The following KCNQ1OT1 variants were observed in gnomAD, a reference collection of about 807,000 sequenced individuals.
The protein encoded by KCNQ1OT1 is KCNQ1 antisense RNA 2 (non-protein coding).
rs1269551539 is a variant in KCNQ1OT1 at position 2,663,165 on chromosome 11, C to T, written n.36830G>A. On this transcript the variant is annotated non_coding_transcript_exon_variant, in exon 1 of 1. Transcript: ENST00000597346. This position sits in a 1 kb window ranked among gnomAD's most constrained non-coding sequence, Gnocchi z 5.2. ...TGCCCACTGTCTTTCCAGGCCCCCCCAGTTCACAGAGAGGTTGGCAGTACC... is the reference window on the plus strand; with the variant it reads ...TGCCCACTGTCTTTCCAGGCCCCCCTAGTTCACAGAGAGGTTGGCAGTACC... The T allele has an allele frequency of 2.5e-6, 1 of 398,744 alleles. No individual in the cohort carries two copies. Among genetic ancestry groups the T allele is most frequent in the Non-Finnish European group, 4.4e-6 (1 of 226,158 alleles). The allele number at this position is 398,744 out of a possible 1,614,324, so 24.7% of individuals were successfully genotyped here.
exon 1 of KCNQ1OT1, chr11:2,632,634 T>C (rs1258008049): frequency 2.5e-6 from 1 of 398,290 alleles, no homozygotes; most frequent in African/African-American, 2.1e-5. Flanking sequence ...ATTAGCATAT[T>C]CATCAACTCA....
rs1253517088 is a variant in KCNQ1OT1, at chr11:2,658,549, A to C, written n.41446T>G. ...GCTCATCTTTTATTTTCCCTACCCT[A>C]GCCCTAGAATCATCCATTCATCCAG... On this transcript the variant is annotated non_coding_transcript_exon_variant, in exon 1 of 1. Transcript: ENST00000597346. The surrounding 1 kb of genome is among the most constrained non-coding windows in gnomAD (Gnocchi z 4.9). 2.6e-6 allele frequency: 1 copy of C among 388,964 alleles called. No individual in the cohort carries two copies. The highest frequency in any genetic ancestry group is 2.2e-5 in the African/African-American group (1 of 46,334). 24.1% of individuals were successfully genotyped at this position (388,964 alleles called of 1,614,324 possible). A position where few individuals can be genotyped will look rare whatever the true frequency, so the allele number is the denominator to read the frequency against.
chr11:2,640,261 C>T (rs1849552588), exon 1 of KCNQ1OT1: 1 of 397,576 alleles, frequency 2.5e-6, no homozygotes, highest in East Asian at 3.6e-5. Flanking sequence ...CCCACTACCT[C>T]AGTTGGAAAT....
chr11:2,686,515 C>G, exon 1 of KCNQ1OT1: 1 of 398,684 alleles, frequency 2.5e-6, no homozygotes, highest in Non-Finnish European at 4.4e-6. Flanking sequence ...GTCTCACTCC[C>G]GTCACGGAAA....
Position 2,642,134 on chromosome 11 carries a change from A to G in KCNQ1OT1, n.57861T>C, listed in dbSNP as rs1849589955. The G allele has an allele frequency of 5.0e-6, 2 of 398,020 alleles. No individual in the cohort carries two copies. The highest frequency in any genetic ancestry group is 8.9e-6 in the Non-Finnish European group (2 of 225,866). The allele number at this position is 398,020 out of a possible 1,614,324, so 24.7% of individuals were successfully genotyped here. A position where few individuals can be genotyped will look rare whatever the true frequency, so the allele number is the denominator to read the frequency against. The stretch of plus-strand genomic sequence containing the variant: ...TTTTTGGTTCCATCTGAATTTTAGG[A>G]TTTTTTCTATTTCCATGAAAAATGG... On this transcript the variant is annotated non_coding_transcript_exon_variant, in exon 1 of 1. Transcript: ENST00000597346. This position sits in a 1 kb window ranked among gnomAD's most constrained non-coding sequence, Gnocchi z 4.3.
chr11:2,696,029 A>T, exon 1 of KCNQ1OT1: 1 of 398,640 alleles, frequency 2.5e-6, no homozygotes, highest in Non-Finnish European at 4.4e-6. Context: ...TGAAAAACGC[A>T]AATTGTTTCC....
exon 1 of KCNQ1OT1, chr11:2,696,223 A>G (rs1352663328): frequency 1.8e-5 from 7 of 398,538 alleles, no homozygotes; most frequent in Non-Finnish European, 2.7e-5. Context: ...TTTTTCTCCT[A>G]TTAAACAAAT....
rs369043332 is a variant in KCNQ1OT1 at position 2,626,773 on chromosome 11, C to T, written n.73222G>A. The T allele has an allele frequency of 2.5e-6, 1 of 398,414 alleles. No individual in the cohort carries two copies. The highest frequency in any genetic ancestry group is 2.1e-5 in the African/African-American group (1 of 48,604). The allele number at this position is 398,414 out of a possible 1,614,324, so 24.7% of individuals were successfully genotyped here. A position where few individuals can be genotyped will look rare whatever the true frequency, so the allele number is the denominator to read the frequency against. ...CAAACTCCTGGACTCAGAAGTCCTC[C>T]CACCTCAGCCTTCAAAAGTGCTGAG... is the stretch of plus-strand genomic sequence containing the variant. On this transcript the variant is annotated non_coding_transcript_exon_variant, in exon 1 of 1. Transcript: ENST00000597346. The surrounding 1 kb of genome is among the most constrained non-coding windows in gnomAD (Gnocchi z 4.0).
At chr11:2,632,389 G>A (rs907326850) in exon 1 of KCNQ1OT1, 13 of 398,188 alleles carry the variant, frequency 3.3e-5, no homozygotes, top group East Asian at 2.9e-4. Context: ...TGGCTAGAAA[G>A]CCACTACTAT....
chr11:2,645,044 C>A lies in KCNQ1OT1; in HGVS notation n.54951G>T. ...ATTTTGGGCCTCCAGGCAACTTGCT[C>A]AGGTGCCAATGATGACAGAGCTGGG... On this transcript the variant is annotated non_coding_transcript_exon_variant, in exon 1 of 1. Coordinates refer to ENST00000597346, the Ensembl canonical transcript of KCNQ1OT1. The surrounding 1 kb of genome is among the most constrained non-coding windows in gnomAD (Gnocchi z 5.8). 2.5e-6 allele frequency: 1 copy of A among 398,782 alleles called. No homozygotes were observed. The highest frequency in any genetic ancestry group is 1.3e-4 in the South Asian group (1 of 7,830). The allele number at this position is 398,782 out of a possible 1,614,324, so 24.7% of individuals were successfully genotyped here. A position where few individuals can be genotyped will look rare whatever the true frequency, so the allele number is the denominator to read the frequency against.
exon 1 of KCNQ1OT1, chr11:2,616,654 TAA>T (rs1319864524): frequency 1.3e-5 from 5 of 398,140 alleles, no homozygotes; most frequent in African/African-American, 2.1e-5. Flanking sequence ...CAATAATTTT[TAA>T]AGAGTGTGTA....
At chr11:2,662,119 G>A (rs1426023954) in exon 1 of KCNQ1OT1, 2 of 1,613,620 alleles carry the variant, frequency 1.2e-6, no homozygotes, top group Non-Finnish European at 1.7e-6. Context: ...TGGGCTGGAG[G>A]GGACTGGAGC....
rs1429334167 is a variant in KCNQ1OT1 at position 2,687,744 on chromosome 11, G to A, written n.12251C>T. On this transcript the variant is annotated non_coding_transcript_exon_variant, in exon 1 of 1. Transcript: ENST00000597346. This position sits in a 1 kb window ranked among gnomAD's most constrained non-coding sequence, Gnocchi z 5.0. ...AAGCCAGTAACCAGCAAATCATGGG[G>A]AGACTGAGAAGAGGAGCCCCTTAGC... 1 of 398,620 alleles carries A rather than the reference G, an allele frequency of 2.5e-6. No homozygotes were observed. Among genetic ancestry groups the A allele is most frequent in the Non-Finnish European group, 4.4e-6 (1 of 226,156 alleles). The allele number at this position is 398,620 out of a possible 1,614,324, so 24.7% of individuals were successfully genotyped here.
At position 2,621,581 on chromosome 11, in the gene KCNQ1OT1, C is replaced by T. The variant is rs539492384; in HGVS notation, n.78414G>A. 7.5e-6 allele frequency: 3 copies of T among 398,418 alleles called. No individual in the cohort carries two copies. Among genetic ancestry groups the T allele is most frequent in the Non-Finnish European group, 1.3e-5 (3 of 226,014 alleles). The allele number at this position is 398,418 out of a possible 1,614,324, so 24.7% of individuals were successfully genotyped here. On this transcript the variant is annotated non_coding_transcript_exon_variant, in exon 1 of 1. Coordinates refer to ENST00000597346, the Ensembl canonical transcript of KCNQ1OT1. This position sits in a 1 kb window ranked among gnomAD's most constrained non-coding sequence, Gnocchi z 5.7. ...GTGATCTCTTTGCTATTGGTCTGTTCAGGCTTTCTATTCCTGATTTAATCT... is the reference window on the plus strand; with the variant it reads ...GTGATCTCTTTGCTATTGGTCTGTTTAGGCTTTCTATTCCTGATTTAATCT...
Position 2,673,454 on chromosome 11 carries a change from G to C in KCNQ1OT1, n.26541C>G, listed in dbSNP as rs1850224646. 7.5e-6 allele frequency: 3 copies of C among 398,554 alleles called. No individual in the cohort carries two copies. Among genetic ancestry groups the C allele is most frequent in the African/African-American group, 2.1e-5 (1 of 48,642 alleles). The allele number at this position is 398,554 out of a possible 1,614,324, so 24.7% of individuals were successfully genotyped here. A position where few individuals can be genotyped will look rare whatever the true frequency, so the allele number is the denominator to read the frequency against. ...TTCCAACTTGGTGTTGGGCCTCCTT[G>C]AGCCGGAACACCTGAAAAGCCATAC... On this transcript the variant is annotated non_coding_transcript_exon_variant, in exon 1 of 1. Transcript: ENST00000597346. The surrounding 1 kb of genome is among the most constrained non-coding windows in gnomAD (Gnocchi z 4.5).
rs1590023090 is a variant in KCNQ1OT1 at position 2,673,682 on chromosome 11, A to T, written n.26313T>A. 3 of 398,592 alleles carry T rather than the reference A, an allele frequency of 7.5e-6. No homozygotes were observed. In the East Asian group the frequency reaches 1.1e-4, roughly 14 times the overall value. 24.7% of individuals were successfully genotyped at this position (398,592 alleles called of 1,614,324 possible). On this transcript the variant is annotated non_coding_transcript_exon_variant, in exon 1 of 1. Coordinates refer to ENST00000597346, the Ensembl canonical transcript of KCNQ1OT1. The surrounding 1 kb of genome is among the most constrained non-coding windows in gnomAD (Gnocchi z 4.5). ...TTGTCTGCATAGGTGTTTTCCTATAAATGTTTAATTCCTGAGGTTGCTGAA... is the reference window on the plus strand; with the variant it reads ...TTGTCTGCATAGGTGTTTTCCTATATATGTTTAATTCCTGAGGTTGCTGAA...
In KCNQ1OT1 at chr11:2,659,957, TGATA is replaced by T. The variant is rs1849921868; in HGVS notation, n.40034_40037del. The T allele has an allele frequency of 7.5e-6, 3 of 398,346 alleles. No homozygotes were observed. The highest frequency in any genetic ancestry group is 1.3e-5 in the Non-Finnish European group (3 of 225,996). 24.7% of individuals were successfully genotyped at this position (398,346 alleles called of 1,614,324 possible). A position where few individuals can be genotyped will look rare whatever the true frequency, so the allele number is the denominator to read the frequency against. ...GAGTGCAAGTCCTTGACCTGATAGG[TGATA>T]TGCAAATATTCTTTCCAAGTCTGTG... On this transcript the variant is annotated non_coding_transcript_exon_variant, in exon 1 of 1. Transcript: ENST00000597346. This position sits in a 1 kb window ranked among gnomAD's most constrained non-coding sequence, Gnocchi z 4.3.
At chr11:2,655,166 G>A in exon 1 of KCNQ1OT1, 1 of 398,630 alleles carries the variant, frequency 2.5e-6, no homozygotes, top group East Asian at 3.6e-5. Context: ...TTTGATTCCT[G>A]TTCTCTTGAG....
chr11:2,630,783 CCTT>C, exon 1 of KCNQ1OT1: 1 of 398,418 alleles, frequency 2.5e-6, no homozygotes, highest in Non-Finnish European at 4.4e-6. Context: ...CTGATAAACT[CCTT>C]CAACTTTTGT....
Sources: allele counts gnomAD v4.1 joint callset, GRCh38; gene constraint gnomAD v4.1.1; non-coding constraint Gnocchi (gnomAD v3.1); transcripts MANE v1.5; gene names NCBI Gene and HGNC (gene_info 2026-07-23, HGNC 2026-07-21).